The following RORA variants were observed in gnomAD, a reference collection of about 807,000 sequenced individuals.
RORA encodes RAR related orphan receptor A.
In RORA, 7 loss-of-function variants were observed where a neutral mutation model predicts 69.5. The ratio of observed to expected loss-of-function variants is 0.10; its 90% confidence interval spans 0.06 to 0.19. RORA has a LOEUF of 0.19. Ranked by LOEUF, RORA falls within the 10% of genes least tolerant of loss-of-function variation. The probability of loss-of-function intolerance (pLI) is 1.00; values close to 1 mark genes in which losing one functional copy is unlikely to be tolerated. For synonymous variants in RORA, 261 were observed against 240.8 expected, an observed-to-expected ratio of 1.08 and a Z score of -0.78; for missense variants, 457 against 663.0, an observed-to-expected ratio of 0.69 and a Z score of 3.41.
intron 1 of RORA, among the ~76,000 whole-genome samples, chr15:60,828,514 A>G (rs970281319): frequency 6.6e-6 from 1 of 152,164 alleles, no homozygotes; most frequent in Non-Finnish European, 1.5e-5. Flanking sequence ...CTGGGTGGCT[A>G]GTGACTGAGG....
chr15:60,548,969 A>G (rs137869316), intron 2 of RORA, among the ~76,000 whole-genome samples: 1 of 152,214 alleles, frequency 6.6e-6, no homozygotes, highest in East Asian at 1.9e-4. Flanking sequence ...AATGTAATCA[A>G]GTAGCTTTAC....
chr15:61,128,353 A>C lies in RORA; in HGVS notation c.166+100700T>G, dbSNP rs576865889. Among the ~76,000 whole-genome samples the C allele has an allele frequency of 6.6e-6, 1 of 152,328 alleles. No individual in the cohort carries two copies. Among genetic ancestry groups the C allele is most frequent in the Non-Finnish European group, 1.5e-5 (1 of 68,036 alleles). On this transcript the variant is annotated intron_variant, in intron 1 of 10. Coordinates refer to ENST00000335670, the MANE Select transcript of RORA (RefSeq NM_134261.3). This position sits in a 1 kb window ranked among gnomAD's most constrained non-coding sequence, Gnocchi z 4.5. Reference sequence around the variant, plus strand: ...AATACAGAAAGAAAAAAAAAATCTAAACAGTATATAAACTTAAAATCAGTC... The same window carrying C: ...AATACAGAAAGAAAAAAAAAATCTACACAGTATATAAACTTAAAATCAGTC...
intron 2 of RORA, among the ~76,000 whole-genome samples, chr15:60,538,842 T>C (rs2141486338): frequency 6.6e-6 from 1 of 152,238 alleles, no homozygotes; most frequent in East Asian, 1.9e-4. Flanking sequence ...CTGACTCAAA[T>C]GAGTCTATCA....
At chr15:61,014,413 T>C (rs1021454178) in intron 1 of RORA, among the ~76,000 whole-genome samples, 8 of 152,370 alleles carry the variant, frequency 5.3e-5, no homozygotes, top group African/African-American at 1.4e-4. Context: ...CAGATGATTT[T>C]AAAATTGTGA....
At chr15:60,646,805 T>C (rs1234317237) in intron 2 of RORA, among the ~76,000 whole-genome samples, 1 of 152,224 alleles carries the variant, frequency 6.6e-6, no homozygotes, top group African/African-American at 2.4e-5. Context: ...CTGCCCAGCC[T>C]GTCTGGCTCG....
chr15:60,663,708 G>C (rs1364236581), intron 2 of RORA, among the ~76,000 whole-genome samples: 2 of 152,216 alleles, frequency 1.3e-5, no homozygotes, highest in Non-Finnish European at 2.9e-5. Context: ...ACCCACCTCA[G>C]CCTCCCAAAG....
intron 1 of RORA, among the ~76,000 whole-genome samples, chr15:60,778,464 C>T (rs1444629903): frequency 6.6e-6 from 1 of 152,126 alleles, no homozygotes; most frequent in East Asian, 1.9e-4. Context: ...CCAGTTACCT[C>T]GGTGCAGACA....
At chr15:61,110,822 C>T (rs1016451868) in intron 1 of RORA, among the ~76,000 whole-genome samples, 4 of 152,312 alleles carry the variant, frequency 2.6e-5, no homozygotes, top group Admixed American at 6.5e-5. Context: ...AGCTCCTTGT[C>T]GTCCAACTGG....
chr15:61,149,796 G>A (rs1433770609), intron 1 of RORA, among the ~76,000 whole-genome samples: 1 of 152,190 alleles, frequency 6.6e-6, no homozygotes, highest in Admixed American at 6.5e-5. Flanking sequence ...CATCAACTTG[G>A]AAGGCCAAAT....
intron 1 of RORA, among the ~76,000 whole-genome samples, chr15:60,973,967 T>G (rs543269970): frequency 6.6e-6 from 1 of 152,236 alleles, no homozygotes; most frequent in Non-Finnish European, 1.5e-5. Context: ...ACCTTTTCAC[T>G]GGGGCCAAAC....
chr15:60,616,903 G>A (rs1409190843), intron 2 of RORA, among the ~76,000 whole-genome samples: 1 of 152,170 alleles, frequency 6.6e-6, no homozygotes, highest in Non-Finnish European at 1.5e-5. Context: ...TAAGTAACAG[G>A]TTGAGTTCTC....
At chr15:60,872,517 TA>T (rs202004626) in intron 1 of RORA, among the ~76,000 whole-genome samples, 1,775 of 152,174 alleles carry the variant, frequency 0.012, 23 homozygotes, top group Non-Finnish European at 0.019. Flanking sequence ...CAACCAAGTA[TA>T]AAGTAGGGCA....
chr15:60,695,232 C>CCAA (rs2070885265), intron 1 of RORA, among the ~76,000 whole-genome samples: 1 of 152,180 alleles, frequency 6.6e-6, no homozygotes, highest in Admixed American at 6.5e-5. Context: ...ATCTCTTCTC[C>CCAA]CAACACTGCT....
intron 2 of RORA, among the ~76,000 whole-genome samples, chr15:60,660,881 GA>G (rs1438938880): frequency 2.0e-5 from 3 of 152,170 alleles, no homozygotes; most frequent in Non-Finnish European, 2.9e-5. Context: ...TCCTTGGCAA[GA>G]AAGTGGAGGC....
chr15:60,912,933 A>G (rs1198723297), intron 1 of RORA, among the ~76,000 whole-genome samples: 1 of 152,216 alleles, frequency 6.6e-6, no homozygotes, highest in African/African-American at 2.4e-5. Flanking sequence ...TAAGCATCCA[A>G]TTTAATGATA....
At chr15:60,788,996 T>A (rs916527862) in intron 1 of RORA, among the ~76,000 whole-genome samples, 2 of 152,198 alleles carry the variant, frequency 1.3e-5, no homozygotes, top group African/African-American at 4.8e-5. Flanking sequence ...TTACCCACAG[T>A]GGCTGCGAAG....
At chr15:60,894,369 G>A (rs1417049975) in intron 1 of RORA, among the ~76,000 whole-genome samples, 1 of 152,186 alleles carries the variant, frequency 6.6e-6, no homozygotes, top group African/African-American at 2.4e-5. Flanking sequence ...ACACCCTAAC[G>A]ACAATCCTGT....
intron 1 of RORA, among the ~76,000 whole-genome samples, chr15:61,143,869 G>T (rs1277907728): frequency 1.3e-5 from 2 of 152,038 alleles, no homozygotes; most frequent in Non-Finnish European, 2.9e-5. Context: ...GCTCTATTAG[G>T]CAAGGAACAA....
At chr15:61,046,676 G>C (rs1193077961) in intron 1 of RORA, among the ~76,000 whole-genome samples, 1 of 152,190 alleles carries the variant, frequency 6.6e-6, no homozygotes, top group Non-Finnish European at 1.5e-5. Context: ...CAGCTGGACT[G>C]GGTGGAATAT....
Sources: allele counts gnomAD v4.1 joint callset (sites outside exome capture counted in the v4.1 genomes callset), GRCh38; gene constraint gnomAD v4.1.1; non-coding constraint Gnocchi (gnomAD v3.1); transcripts MANE v1.5; gene names NCBI Gene and HGNC (gene_info 2026-07-23, HGNC 2026-07-21).